NCAPD2: variants seen among roughly 807,000 people sequenced by gnomAD.
The protein encoded by NCAPD2 is condensin complex subunit 1.
In NCAPD2, 100 loss-of-function variants were observed where a neutral mutation model predicts 164.5. The observed-to-expected ratio is 0.61, with a 90% confidence interval of 0.52 to 0.72. The LOEUF (loss-of-function observed/expected upper bound fraction) is 0.72, where lower values mean the gene tolerates loss of function less well. Among genes scored for constraint, NCAPD2 ranks in the 30% least tolerant of loss-of-function variants. The pLI, the probability that NCAPD2 is intolerant of heterozygous loss-of-function variation, is 0.00. For synonymous variants in NCAPD2, 585 were observed against 642.6 expected (o/e 0.91, Z 1.36); for missense variants, 1,560 against 1,749.2 (o/e 0.89, Z 1.93).
intron 2 of NCAPD2, among the ~76,000 whole-genome samples, chr12:6,506,921 G>A (rs10849477): frequency 0.16 from 23,939 of 152,174 alleles, 2,170 homozygotes; most frequent in East Asian, 0.31. Flanking sequence ...AATTCAAATC[G>A]TATTGTTCGA....
Position 6,526,574 on chromosome 12 carries a change from T to C in NCAPD2, c.2693T>C (p.Leu898Pro), listed in dbSNP as rs780458107. 1 of 1,614,118 alleles carries C rather than the reference T, an allele frequency of 6.2e-7. No homozygotes were observed. Among genetic ancestry groups the C allele is most frequent in the Non-Finnish European group, 8.5e-7 (1 of 1,180,000 alleles). ...QILQGCAKQA[L>P]EKLEEKRTSQ... ...TTGCAGGGCTGTGCAAAACAGGCCCTGGAGAAGCTAGAAGAGAAGAGAACC... is the reference window on the plus strand; with the variant it reads ...TTGCAGGGCTGTGCAAAACAGGCCCCGGAGAAGCTAGAAGAGAAGAGAACC... The change falls in exon 21 of 32, where the codon CTG (leucine) becomes CCG (proline). Residue 898 changes from leucine (L) to proline (P), a missense_variant. Leu to Pro is a moderately conservative substitution (Grantham distance 98, BLOSUM62 -3). Coordinates refer to ENST00000315579, the MANE Select transcript of NCAPD2 (RefSeq NM_014865.4).
chr12:6,507,451 C>A (rs1056829218), intron 2 of NCAPD2, among the ~76,000 whole-genome samples: 5 of 152,250 alleles, frequency 3.3e-5, no homozygotes, highest in African/African-American at 1.2e-4. Context: ...GGGTGCCTCT[C>A]CTTGGCCAGT....
intron 21 of NCAPD2, 136 bp downstream of exon 21, chr12:6,526,751 C>A: frequency 1.4e-6 from 2 of 1,407,066 alleles, no homozygotes; most frequent in Non-Finnish European, 1.9e-6. Flanking sequence ...TGAAGTTGGG[C>A]CAGTTCCCAC....
Position 6,495,218 on chromosome 12 carries a change from G to A in NCAPD2, c.120G>A (p.Gln40=), listed in dbSNP as rs989312146. 6.2e-6 allele frequency: 10 copies of A among 1,614,018 alleles called. No individual in the cohort carries two copies. The African/African-American group carries it at 1.3e-4, about 22-fold the overall frequency. ...EVLSIKHLPP[Q]LRAFQAAFRA... ...TGTCCATCAAACATCTTCCACCACA[G>A]CTTAGAGGTAAGAGTCCATAGCTGT... Residue 40 remains glutamine, a synonymous_variant, in exon 2 of 32, where the codon CAG becomes CAA. Transcript: ENST00000315579.
intron 21 of NCAPD2, 56 bp from the exon 22 acceptor site, chr12:6,526,835 T>C: frequency 2.6e-6 from 4 of 1,551,600 alleles, no homozygotes; most frequent in Non-Finnish European, 3.5e-6. Flanking sequence ...CGGATTCAGG[T>C]TTGATGGGAC....
chr12:6,509,542 G>A (rs1210706286), intron 2 of NCAPD2, among the ~76,000 whole-genome samples, 175 bp from the exon 3 acceptor site: 2 of 152,156 alleles, frequency 1.3e-5, no homozygotes, highest in African/African-American at 2.4e-5. Flanking sequence ...GATTACAGGC[G>A]TGAGCCACCA....
intron 9 of NCAPD2, 78 bp from the exon 10 acceptor site, chr12:6,516,750 A>T: frequency 7.2e-7 from 1 of 1,397,762 alleles, no homozygotes; most frequent in Non-Finnish European, 1.0e-6. Context: ...TAGGCAGTTA[A>T]TGGAAAAAGT....
intron 29 of NCAPD2, among the ~76,000 whole-genome samples, chr12:6,530,160 C>T (rs192979287): frequency 6.6e-6 from 1 of 152,380 alleles, no homozygotes; most frequent in African/African-American, 2.4e-5. Flanking sequence ...ACAACCAAAG[C>T]AGCATCTCAT....
intron 17 of NCAPD2, 139 bp from the exon 18 acceptor site, chr12:6,525,444 T>C: frequency 1.0e-6 from 1 of 981,700 alleles, no homozygotes; most frequent in Non-Finnish European, 1.5e-6. Context: ...GCTGTACATT[T>C]TGAACCTCCT....
In NCAPD2 at chr12:6,520,935, A is replaced by G. The variant is rs1032535833; in HGVS notation, c.1590-51A>G. 2.5e-6 allele frequency: 4 copies of G among 1,610,682 alleles called. No individual in the cohort carries two copies. In the Admixed American group the frequency reaches 5.0e-5, roughly 20 times the overall value. ...GAATCATGAGGTAAGCTCCCTTACA[A>G]ACGGCTGCAGTGACATTCTTCTGGG... is the stretch of plus-strand genomic sequence containing the variant. On this transcript the variant is annotated intron_variant, in intron 13 of 31. Coordinates refer to ENST00000315579, the MANE Select transcript of NCAPD2 (RefSeq NM_014865.4).
intron 2 of NCAPD2, among the ~76,000 whole-genome samples, chr12:6,500,511 G>A (rs1177866236): frequency 6.6e-6 from 1 of 152,120 alleles, no homozygotes; most frequent in African/African-American, 2.4e-5. Context: ...GGTAGGAAGT[G>A]GTACAGATTA....
intron 2 of NCAPD2, among the ~76,000 whole-genome samples, chr12:6,496,702 G>C (rs897760838): frequency 7.2e-5 from 11 of 152,070 alleles, no homozygotes; most frequent in Admixed American, 2.6e-4. Context: ...TGGGATTGCA[G>C]GCTGGAATGC....
Position 6,526,919 on chromosome 12 carries a change from C to A in NCAPD2, c.2763C>A (p.Phe921Leu). 3 of 1,613,818 alleles carry A rather than the reference C, an allele frequency of 1.9e-6. 1 individual carries two copies. The Middle Eastern group carries it at 5.0e-4, about 269-fold the overall frequency. The change falls in exon 22 of 32, where the codon TTC becomes TTA. Residue 921 changes from phenylalanine (F) to leucine (L), a missense_variant. Physicochemically the swap from Phe to Leu is conservative, Grantham distance 22. Transcript: ENST00000315579. ...PKESPAMLPTFLLMNLLSLAG... is the reference protein window; with the variant it reads ...PKESPAMLPTLLLMNLLSLAG... The stretch of plus-strand genomic sequence containing the variant: ...AGTCCCCCGCAATGCTCCCCACTTT[C>A]CTGTTGATGAACCTGCTGTCCCTGG...
At chr12:6,518,144 CT>C in intron 13 of NCAPD2, 185 bp downstream of exon 13, 1 of 525,664 alleles carries the variant, frequency 1.9e-6, no homozygotes. Context: ...TGTGTTTCTA[CT>C]TTATAAATGT....
chr12:6,510,026 C>A, intron 3 of NCAPD2, 49 bp from the exon 4 acceptor site: 2 of 1,556,136 alleles, frequency 1.3e-6, no homozygotes, highest in Non-Finnish European at 1.8e-6. Context: ...TTAGAAGGGG[C>A]TCTGCAGGCT....
intron 2 of NCAPD2, among the ~76,000 whole-genome samples, chr12:6,495,465 G>C (rs1945970683): frequency 6.6e-6 from 1 of 152,080 alleles, no homozygotes; most frequent in South Asian, 2.1e-4. Context: ...TTACTCTTTG[G>C]GGAAAAGTTA....
intron 8 of NCAPD2, 71 bp downstream of exon 8, chr12:6,514,658 C>T: frequency 6.8e-6 from 11 of 1,610,932 alleles, no homozygotes; most frequent in Non-Finnish European, 8.5e-6. Context: ...ATTGGAAATA[C>T]ATTATCTGTG....
chr12:6,527,167 C>T (rs1030062321), intron 22 of NCAPD2, 104 bp downstream of exon 22: 17 of 1,265,860 alleles, frequency 1.3e-5, no homozygotes, highest in African/African-American at 3.0e-5. Context: ...TTACATGAAG[C>T]GAAGAGTTTC....
intron 29 of NCAPD2, 102 bp from the exon 30 acceptor site, chr12:6,530,589 G>C: frequency 6.8e-7 from 1 of 1,473,996 alleles, no homozygotes; most frequent in African/African-American, 1.4e-5. Context: ...TGGCTTCTTA[G>C]TAATGTGCGT....
Sources: gnomAD v4.1 joint callset for allele counts (sites outside exome capture counted in the v4.1 genomes callset) on GRCh38, gnomAD v4.1.1 for gene constraint, MANE v1.5 for transcripts, NCBI Gene and HGNC (gene_info 2026-07-23, HGNC 2026-07-21) for gene names.